HMGA2: variants seen among roughly 807,000 people sequenced by gnomAD.
HMGA2 encodes the protein high mobility group AT-hook 2.
A neutral mutation model predicts 19.1 loss-of-function variants in HMGA2; 8 were observed. That is an observed-to-expected ratio of 0.42 (90% CI 0.25 to 0.76). The LOEUF (loss-of-function observed/expected upper bound fraction) is 0.76, where lower values mean the gene tolerates loss of function less well. HMGA2 is among the 30% of genes least tolerant of loss of function. HMGA2 has a pLI of 0.28. For synonymous variants in HMGA2, 60 were observed against 48.8 expected, an observed-to-expected ratio of 1.23 and a Z score of -0.96; for missense variants, 109 against 136.3, an observed-to-expected ratio of 0.80 and a Z score of 1.00.
At chr12:65,857,626 G>A (rs1871808871) in intron 3 of HMGA2, 1 of 152,134 alleles carries the variant, frequency 6.6e-6, no homozygotes. Context: ...CAGTCTTCCT[G>A]ACTGCATTCT....
At chr12:65,846,151 A>G (rs931083305) in intron 3 of HMGA2, among the ~76,000 whole-genome samples, 2 of 152,206 alleles carry the variant, frequency 1.3e-5, no homozygotes, top group African/African-American at 4.8e-5. Flanking sequence ...CATGACACTG[A>G]AATTTGTTTT....
At chr12:65,953,406 G>A (rs1176836468) in intron 4 of HMGA2, 1 of 152,136 alleles carries the variant, frequency 6.6e-6, no homozygotes, top group Non-Finnish European at 1.5e-5. Flanking sequence ...TTGTTGTTGA[G>A]TTGCAGAAGG....
Position 65,944,698 on chromosome 12 carries a change from CA to C in HMGA2, c.250-6684del, listed in dbSNP as rs202193854. Among the ~76,000 whole-genome samples the C allele has an allele frequency of 1.2e-4, 18 of 152,250 alleles. No homozygotes were observed. In the East Asian group the frequency reaches 3.3e-3, roughly 28 times the overall value. On this transcript the variant is annotated intron_variant, in intron 3 of 4. Coordinates refer to ENST00000403681, the MANE Select transcript of HMGA2 (RefSeq NM_003483.6). ...TTATCTTGATTGTATGGGATTAAAC[CA>C]TATGAAATTGCTGATAATTGATTGG...
chr12:65,911,773 C>A (rs550655701), intron 3 of HMGA2, among the ~76,000 whole-genome samples: 3 of 152,282 alleles, frequency 2.0e-5, no homozygotes, highest in African/African-American at 7.2e-5. Flanking sequence ...CCCTTATGCA[C>A]ACACAGAACC....
At chr12:65,935,998 A>C (rs879594171) in intron 3 of HMGA2, among the ~76,000 whole-genome samples, 1 of 152,188 alleles carries the variant, frequency 6.6e-6, no homozygotes, top group Non-Finnish European at 1.5e-5. Flanking sequence ...ATATTATGAA[A>C]AAAAGCTACA....
chr12:65,964,109 G>A lies in HMGA2; in HGVS notation c.*817G>A, dbSNP rs773974364. 4.9e-6 allele frequency: 1 copy of A among 203,832 alleles called. No individual in the cohort carries two copies. Among genetic ancestry groups the A allele is most frequent in the Non-Finnish European group, 1.0e-5 (1 of 99,676 alleles). The allele number at this position is 203,832 out of a possible 1,614,324, so 12.6% of individuals were successfully genotyped here. On this transcript the variant is annotated 3_prime_UTR_variant, in exon 5 of 5. Transcript: ENST00000403681. ...TCCTACAGAGCCAAAATGCCATTTA[G>A]CAATAAATAACACTTGTCAGCCTCA...
rs756682360 is a variant in HMGA2 at position 65,838,522 on chromosome 12, G to A, written c.202G>A (p.Ala68Thr). The A allele has an allele frequency of 1.1e-5, 18 of 1,610,940 alleles. No homozygotes were observed. The East Asian group carries it at 3.8e-4, about 34-fold the overall frequency. Residue 68 changes from alanine to threonine, a missense_variant, in exon 3 of 5, where the codon GCA (alanine) becomes ACA (threonine). Coordinates refer to ENST00000403681, the MANE Select transcript of HMGA2 (RefSeq NM_003483.6). ...TGACTTCCTTTTTCATTTGCAGAAA[G>A]CAGAAGCCACTGGAGAAAAACGGCC... ...KSPSKAAQKKAEATGEKRPRG... is the reference protein window; with the variant it reads ...KSPSKAAQKKTEATGEKRPRG...
In HMGA2 at chr12:65,824,742, TC is replaced by T. The variant is rs1870045791; in HGVS notation, c.-528del. 2.2e-5 allele frequency: 5 copies of T among 231,062 alleles called. No homozygotes were observed. Among genetic ancestry groups the T allele is most frequent in the Admixed American group, 5.8e-5 (1 of 17,344 alleles). 14.3% of individuals were successfully genotyped at this position (231,062 alleles called of 1,614,324 possible). A position where few individuals can be genotyped will look rare whatever the true frequency, so the allele number is the denominator to read the frequency against. The stretch of plus-strand genomic sequence containing the variant: ...CTCTCTCTCTCTCTCTCTCTCTCTC[TC>T]TCTCTCTCTCTCTCTCTCTCTCTCT... On this transcript the variant is annotated 5_prime_UTR_variant, in exon 1 of 5. Coordinates refer to ENST00000403681, the MANE Select transcript of HMGA2 (RefSeq NM_003483.6).
chr12:65,926,414 T>C (rs1278809190), intron 3 of HMGA2, among the ~76,000 whole-genome samples: 1 of 152,192 alleles, frequency 6.6e-6, no homozygotes, highest in Non-Finnish European at 1.5e-5. Context: ...TTCGTCTCTA[T>C]AGAATTAATG....
chr12:65,875,588 T>A (rs947213468), intron 3 of HMGA2, among the ~76,000 whole-genome samples: 4 of 113,448 alleles, frequency 3.5e-5, no homozygotes, highest in Non-Finnish European at 6.8e-5. Flanking sequence ...CGTGCCCGGC[T>A]ATTTTTTTTT....
At chr12:65,851,678 A>AC in intron 3 of HMGA2, 1 of 444,412 alleles carries the variant, frequency 2.3e-6, no homozygotes, top group Middle Eastern at 3.3e-4. Context: ...AACAACAACA[A>AC]AAAATCATTA....
At chr12:65,845,401 T>C (rs1391814363) in intron 3 of HMGA2, among the ~76,000 whole-genome samples, 1 of 152,138 alleles carries the variant, frequency 6.6e-6, no homozygotes, top group Non-Finnish European at 1.5e-5. Context: ...CCTGAGTAGC[T>C]GGGACTATAG....
rs1870140893 is a variant in HMGA2 at position 65,825,811 on chromosome 12, G to A, written c.111+430G>A. ...CCGGGCGCTTCGGCCGATCTGGGCT[G>A]AAGGGGCTAGAGTCTTGGGGGCCGG... On this transcript the variant is annotated intron_variant, in intron 1 of 4. Coordinates refer to ENST00000403681, the MANE Select transcript of HMGA2 (RefSeq NM_003483.6). The surrounding 1 kb of genome is among the most constrained non-coding windows in gnomAD (Gnocchi z 4.4). Among the ~76,000 whole-genome samples the A allele has an allele frequency of 6.6e-6, 1 of 152,112 alleles. No homozygotes were observed. The highest frequency in any genetic ancestry group is 1.5e-5 in the Non-Finnish European group (1 of 68,030).
intron 3 of HMGA2, among the ~76,000 whole-genome samples, chr12:65,883,300 C>T (rs541812305): frequency 1.3e-5 from 2 of 152,326 alleles, no homozygotes; most frequent in African/African-American, 2.4e-5. Flanking sequence ...GCAACAGATA[C>T]TCCAAAAGTG....
At chr12:65,918,187 T>C (rs1461856450) in intron 3 of HMGA2, among the ~76,000 whole-genome samples, 1 of 152,130 alleles carries the variant, frequency 6.6e-6, no homozygotes, top group Non-Finnish European at 1.5e-5. Flanking sequence ...AAGAAATGGG[T>C]CAAAATGATT....
At chr12:65,929,725 G>A (rs1875638973) in intron 3 of HMGA2, among the ~76,000 whole-genome samples, 1 of 152,052 alleles carries the variant, frequency 6.6e-6, no homozygotes, top group Non-Finnish European at 1.5e-5. Context: ...AAACACTTTG[G>A]TGAATGCTCA....
intron 3 of HMGA2, among the ~76,000 whole-genome samples, chr12:65,880,366 G>T (rs1873307881): frequency 6.6e-6 from 1 of 152,192 alleles, no homozygotes; most frequent in Admixed American, 6.5e-5. Flanking sequence ...AGAGGTTATG[G>T]CAATGAAGGA....
At chr12:65,889,437 A>T (rs934254670) in intron 3 of HMGA2, among the ~76,000 whole-genome samples, 51 of 152,254 alleles carry the variant, frequency 3.3e-4, no homozygotes, top group African/African-American at 1.2e-3. Flanking sequence ...GTAAATACAT[A>T]TCTAATAGGT....
chr12:65,842,598 T>G, intron 3 of HMGA2: 1 of 1,535,022 alleles, frequency 6.5e-7, no homozygotes, highest in Non-Finnish European at 8.7e-7. Flanking sequence ...AAGGAGGAGT[T>G]TTACATTGCA....
Sources: gnomAD v4.1 joint callset for allele counts (sites outside exome capture counted in the v4.1 genomes callset) on GRCh38, gnomAD v4.1.1 for gene constraint, Gnocchi (gnomAD v3.1) non-coding constraint, MANE v1.5 for transcripts, NCBI Gene and HGNC (gene_info 2026-07-23, HGNC 2026-07-21) for gene names.